Variants in RUSC2 observed in about 807,000 individuals in gnomAD.
RUSC2 encodes the protein AP-4 complex accessory subunit RUSC2.
Under a neutral mutation model 122.2 loss-of-function variants are expected in RUSC2, and 34 were observed. The ratio of observed to expected loss-of-function variants is 0.28; its 90% CI spans 0.21 to 0.37. The LOEUF is 0.37. RUSC2 is among the 10% of genes least tolerant of loss of function. The pLI is 1.00. For synonymous variants in RUSC2, 784 were observed against 790.0 expected (o/e 0.99, Z 0.13); for missense variants, 1,747 against 1,952.4 (o/e 0.89, Z 1.98).
At chr9:35,517,109 CAGAA>C (rs1246739972) in intron 1 of RUSC2, among the ~76,000 whole-genome samples, 1 of 151,988 alleles carries the variant, frequency 6.6e-6, no homozygotes, top group African/African-American at 2.4e-5. Context: ...GAAATATTTA[CAGAA>C]AGAGTTTGCT....
rs1385936912 is a variant in RUSC2, at chr9:35,547,740, C to G, written c.1219C>G (p.Gln407Glu). 6.2e-7 allele frequency: 1 copy of G among 1,614,042 alleles called. No homozygotes were observed. The highest frequency in any genetic ancestry group is 8.5e-7 in the Non-Finnish European group (1 of 1,180,042). The change falls in exon 2 of 12, where the codon CAA (glutamine) becomes GAA (glutamate). Residue 407 changes from glutamine (Q) to glutamate (E), a missense_variant. By Grantham distance (29) the Gln-to-Glu change is conservative. Transcript: ENST00000361226. This position sits in a 1 kb window ranked among gnomAD's most constrained non-coding sequence, Gnocchi z 4.6. ...YKLVTCDLSS[Q>E]SSPSPAGSSI... Reference sequence around the variant, plus strand: ...ACTTGTCACCTGTGACCTATCTTCCCAATCATCCCCAAGCCCTGCTGGCTC... The same window carrying G: ...ACTTGTCACCTGTGACCTATCTTCCGAATCATCCCCAAGCCCTGCTGGCTC...
At chr9:35,491,035 G>C (rs1192924654) in intron 1 of RUSC2, among the ~76,000 whole-genome samples, 1 of 151,612 alleles carries the variant, frequency 6.6e-6, no homozygotes, top group Admixed American at 6.6e-5. Context: ...GGAACAAGTA[G>C]ATCTGAGTCA....
chr9:35,534,638 C>T (rs534222322), intron 1 of RUSC2, among the ~76,000 whole-genome samples: 25 of 152,242 alleles, frequency 1.6e-4, no homozygotes, highest in African/African-American at 5.5e-4. Context: ...TGCACCATCA[C>T]ACCCAGCTAA....
At chr9:35,500,284 A>AGC (rs1820797128) in intron 1 of RUSC2, among the ~76,000 whole-genome samples, 1 of 151,968 alleles carries the variant, frequency 6.6e-6, no homozygotes, top group African/African-American at 2.4e-5. Flanking sequence ...AGAGAGAGAG[A>AGC]GAGCTTGTGC....
intron 1 of RUSC2, among the ~76,000 whole-genome samples, chr9:35,545,771 A>C (rs1821731513): frequency 6.6e-6 from 1 of 152,184 alleles, no homozygotes; most frequent in Non-Finnish European, 1.5e-5. Flanking sequence ...CCTAATGCCC[A>C]ACTCAGTGTC....
rs761337415 is a variant in RUSC2, at chr9:35,546,704, A to G, written c.183A>G (p.Gln61=). 2 of 1,561,202 alleles carry G rather than the reference A, an allele frequency of 1.3e-6. No individual in the cohort carries two copies. Among genetic ancestry groups the G allele is most frequent in the Middle Eastern group, 1.7e-4 (1 of 5,796 alleles). Residue 61 remains glutamine, a synonymous_variant, in exon 2 of 12, where the codon CAA becomes CAG. Transcript: ENST00000361226. The surrounding 1 kb of genome is among the most constrained non-coding windows in gnomAD (Gnocchi z 4.3). ...GITQPDQDLG[Q]ADSLLFSSLH... is the part of the protein sequence containing the mutation. ...CCCAGCCCGATCAAGACCTAGGACA[A>G]GCTGACTCCCTGCTATTCAGCAGCC...
At chr9:35,497,099 C>G (rs1820733253) in intron 1 of RUSC2, among the ~76,000 whole-genome samples, 1 of 152,206 alleles carries the variant, frequency 6.6e-6, no homozygotes, top group African/African-American at 2.4e-5. Context: ...ATCTGCACCT[C>G]TCCTGTCCTT....
chr9:35,544,913 G>T (rs114111310), intron 1 of RUSC2, among the ~76,000 whole-genome samples: 1,877 of 152,104 alleles, frequency 0.012, 43 homozygotes, highest in African/African-American at 0.043. Flanking sequence ...CTTAATATCT[G>T]CCCTTCTACA....
intron 1 of RUSC2, among the ~76,000 whole-genome samples, chr9:35,519,801 A>T (rs1189586349): frequency 6.6e-6 from 1 of 152,186 alleles, no homozygotes; most frequent in East Asian, 1.9e-4. Flanking sequence ...ACAATATCTT[A>T]CTTATTTTTA....
chr9:35,516,428 T>G (rs939091878), intron 1 of RUSC2, among the ~76,000 whole-genome samples: 8 of 152,020 alleles, frequency 5.3e-5, no homozygotes, highest in African/African-American at 1.7e-4. Flanking sequence ...AGTGTGGATT[T>G]GGAACTTGGG....
At chr9:35,532,327 G>A (rs989393943) in intron 1 of RUSC2, among the ~76,000 whole-genome samples, 1 of 152,220 alleles carries the variant, frequency 6.6e-6, no homozygotes, top group Admixed American at 6.5e-5. Context: ...AGACTGTTCA[G>A]ATTGAAAAGT....
chr9:35,538,791 G>A (rs1236166965), intron 1 of RUSC2: 3 of 152,382 alleles, frequency 2.0e-5, no homozygotes, highest in Non-Finnish European at 4.4e-5. Flanking sequence ...GGGCCCACAG[G>A]GGCTGGAAGG....
chr9:35,538,141 A>G (rs999440241), intron 1 of RUSC2, among the ~76,000 whole-genome samples: 7 of 151,744 alleles, frequency 4.6e-5, no homozygotes, highest in African/African-American at 1.7e-4. Context: ...CTTCACACAA[A>G]CCCAGCTGGA....
chr9:35,551,850 AG>A, intron 2 of RUSC2, among the ~76,000 whole-genome samples: 1 of 152,036 alleles, frequency 6.6e-6, no homozygotes, highest in Non-Finnish European at 1.5e-5. Context: ...ACTTGAAGCC[AG>A]GGGTTTGAGA....
At chr9:35,534,450 AC>A (rs1821483481) in intron 1 of RUSC2, among the ~76,000 whole-genome samples, 2 of 150,918 alleles carry the variant, frequency 1.3e-5, no homozygotes, top group Non-Finnish European at 2.9e-5. Context: ...ACACACACAC[AC>A]ACACACAATC....
At chr9:35,552,624 G>A (rs1821922659) in intron 2 of RUSC2, among the ~76,000 whole-genome samples, 1 of 152,206 alleles carries the variant, frequency 6.6e-6, no homozygotes, top group African/African-American at 2.4e-5. Context: ...ACTCCAGAAA[G>A]AAAGAGTGGA....
chr9:35,561,636 G>A lies in RUSC2; in HGVS notation c.*254G>A, dbSNP rs1822180061. ...TGCCAGGATTCCCCTGGCCCGTCTG[G>A]GCCAACCCTTCCATGGGTGAAGACA... is the stretch of plus-strand genomic sequence containing the variant. On this transcript the variant is annotated 3_prime_UTR_variant, in exon 12 of 12. Transcript: ENST00000361226. The A allele has an allele frequency of 3.6e-6, 2 of 563,048 alleles. No individual in the cohort carries two copies. The highest frequency in any genetic ancestry group is 2.4e-5 in the South Asian group (1 of 41,614). 34.9% of individuals were successfully genotyped at this position (563,048 alleles called of 1,614,324 possible).
chr9:35,500,954 G>T (rs1471660571), intron 1 of RUSC2, among the ~76,000 whole-genome samples: 1 of 152,188 alleles, frequency 6.6e-6, no homozygotes, highest in Non-Finnish European at 1.5e-5. Flanking sequence ...ATACATTTGT[G>T]AGTCCTTTCT....
In RUSC2 at chr9:35,561,102, G is replaced by C; in HGVS notation, c.4349+5G>C. 1 of 1,613,948 alleles carries C rather than the reference G, an allele frequency of 6.2e-7. No individual in the cohort carries two copies. Among genetic ancestry groups the C allele is most frequent in the Non-Finnish European group, 8.5e-7 (1 of 1,179,882 alleles). On this transcript the variant is annotated splice_donor_5th_base_variant and intron_variant, in intron 11 of 11. Transcript: ENST00000361226. ...CCTGCCCTCCAGTCCTCCGTGGTAAGCCTGGGGAAACGGAAGGGCTGAGGG... is the reference window on the plus strand; with the variant it reads ...CCTGCCCTCCAGTCCTCCGTGGTAACCCTGGGGAAACGGAAGGGCTGAGGG...
Sources: gnomAD v4.1 joint callset for allele counts (sites outside exome capture counted in the v4.1 genomes callset) on GRCh38, gnomAD v4.1.1 for gene constraint, Gnocchi (gnomAD v3.1) non-coding constraint, MANE v1.5 for transcripts, NCBI Gene and HGNC (gene_info 2026-07-23, HGNC 2026-07-21) for gene names.